Variants in VAMP7 observed in about 807,000 individuals in gnomAD.
VAMP7 encodes the protein vesicle associated membrane protein 7.
Under a neutral mutation model 29.6 loss-of-function variants are expected in VAMP7, and 14 were observed. The observed-to-expected ratio is 0.47, with a 90% CI of 0.31 to 0.74. The LOEUF (loss-of-function observed/expected upper bound fraction) is 0.74. Ranked by LOEUF, VAMP7 falls within the 30% of genes least tolerant of loss-of-function variation. VAMP7 has a pLI of 0.05. For missense variants in VAMP7, 223 were observed against 262.4 expected (o/e 0.85, Z 1.04); for synonymous variants, 95 against 88.1 (o/e 1.08, Z -0.44).
Position 155,910,909 on chromosome X carries a change from T to G in VAMP7, c.434-8904T>G, listed in dbSNP as rs148767665. 5.6e-4 allele frequency among the ~76,000 whole-genome samples: 85 copies of G among 152,342 alleles called. No homozygotes were observed. The East Asian group carries it at 0.016, about 29-fold the overall frequency. On this transcript the variant is annotated intron_variant, in intron 5 of 7. Transcript: ENST00000286448. ...TGGTTGTCTCTTCACTCTTGATTAT[T>G]TCCTTTGCTGTGCAAAAGCTTTTTT...
At chrX:155,921,967 A>C (rs184058125) in intron 6 of VAMP7, among the ~76,000 whole-genome samples, 73 of 152,146 alleles carry the variant, frequency 4.8e-4, no homozygotes, top group African/African-American at 1.6e-3. Context: ...GCTTTTGCTT[A>C]GGATTTAAAA....
At chrX:155,912,090 T>C (rs2066245363) in intron 5 of VAMP7, among the ~76,000 whole-genome samples, 1 of 152,272 alleles carries the variant, frequency 6.6e-6, no homozygotes, top group African/African-American at 2.4e-5. Context: ...CTTTTCGTTT[T>C]TCCCATTCCG....
In VAMP7 at chrX:155,896,705, G is replaced by C. The variant is rs183991096; in HGVS notation, c.204+1025G>C. On this transcript the variant is annotated intron_variant, in intron 3 of 7. Transcript: ENST00000286448. ...CAGCTGCATGCCCTCCCCTCCCCCTGCTTTCAAAGTGAACTTCCTTTCATG... is the reference window on the plus strand; with the variant it reads ...CAGCTGCATGCCCTCCCCTCCCCCTCCTTTCAAAGTGAACTTCCTTTCATG... Among the ~76,000 whole-genome samples the C allele has an allele frequency of 3.1e-3, 476 of 152,064 alleles. 1 individual carries two copies. Among genetic ancestry groups the C allele is most frequent in the African/African-American group, 0.011 (459 of 41,488 alleles).
Position 155,943,576 on chromosome X carries a change from C to T in VAMP7, c.*1625C>T, listed in dbSNP as rs1424759817. 1 of 152,052 alleles carries T rather than the reference C, an allele frequency of 6.6e-6. No homozygotes were observed. The highest frequency in any genetic ancestry group is 1.5e-5 in the Non-Finnish European group (1 of 67,970). 9.4% of individuals were successfully genotyped at this position (152,052 alleles called of 1,614,324 possible). On this transcript the variant is annotated 3_prime_UTR_variant, in exon 8 of 8. Coordinates refer to ENST00000286448, the MANE Select transcript of VAMP7 (RefSeq NM_005638.6). ...TGAATAATTTCCAAATGTTTTTAAT[C>T]CAAAGAAAAAGGTTTAAAGCTTATT... is the stretch of plus-strand genomic sequence containing the variant.
chrX:155,936,375 T>A (rs926475931), intron 6 of VAMP7, among the ~76,000 whole-genome samples: 1 of 152,218 alleles, frequency 6.6e-6, no homozygotes. Context: ...CAGCTTTGTT[T>A]ACCTACTCAA....
chrX:155,930,522 C>T (rs2066534171), intron 6 of VAMP7, among the ~76,000 whole-genome samples: 1 of 150,962 alleles, frequency 6.6e-6, no homozygotes, highest in Non-Finnish European at 1.5e-5. Context: ...TGATTGGGTG[C>T]ACCTGTAGTC....
intron 5 of VAMP7, among the ~76,000 whole-genome samples, chrX:155,910,169 C>G (rs181355611): frequency 6.6e-6 from 1 of 152,278 alleles, no homozygotes; most frequent in East Asian, 1.9e-4. Flanking sequence ...ATGAGATCAA[C>G]TGTTTTAGTT....
chrX:155,939,682 A>G lies in VAMP7; in HGVS notation c.502-19A>G, dbSNP rs2066714715. On this transcript the variant is annotated intron_variant, in intron 6 of 7. Transcript: ENST00000286448. Reference sequence around the variant, plus strand: ...TGTAGTCAGTGCCAGGGGTTAAACAATTCTCGCCTCTTTTCTAGTCTGTCA... The same window carrying G: ...TGTAGTCAGTGCCAGGGGTTAAACAGTTCTCGCCTCTTTTCTAGTCTGTCA... The G allele has an allele frequency of 1.9e-6, 3 of 1,596,950 alleles. No homozygotes were observed. The highest frequency in any genetic ancestry group is 2.6e-6 in the Non-Finnish European group (3 of 1,164,584).
intron 6 of VAMP7, among the ~76,000 whole-genome samples, chrX:155,931,427 A>T (rs2066553022): frequency 6.6e-6 from 1 of 152,004 alleles, no homozygotes; most frequent in Admixed American, 6.5e-5. Flanking sequence ...ATGGTATCTC[A>T]TTGTGGTTTT....
At chrX:155,885,975 G>A (rs1036000995) in intron 1 of VAMP7, among the ~76,000 whole-genome samples, 32 of 152,142 alleles carry the variant, frequency 2.1e-4, no homozygotes, top group Non-Finnish European at 3.8e-4. Flanking sequence ...ATTCTTAGCA[G>A]GAATAAAGTA....
In VAMP7 at chrX:155,898,267, A is replaced by G. The variant is rs1276467862; in HGVS notation, c.342+18A>G. On this transcript the variant is annotated intron_variant, in intron 4 of 7. Coordinates refer to ENST00000286448, the MANE Select transcript of VAMP7 (RefSeq NM_005638.6). ...CACAGCTGGTAAGATCTTTCTCAGG[A>G]TAAGGTATTTTGATTTATATCTTCT... is the stretch of plus-strand genomic sequence containing the variant. 1 of 1,610,782 alleles carries G rather than the reference A, an allele frequency of 6.2e-7. No homozygotes were observed. Among genetic ancestry groups the G allele is most frequent in the African/African-American group, 1.3e-5 (1 of 74,770 alleles).
intron 6 of VAMP7, among the ~76,000 whole-genome samples, chrX:155,931,656 GTA>G (rs1569450236): frequency 2.6e-5 from 4 of 152,140 alleles, no homozygotes; most frequent in Non-Finnish European, 5.9e-5. Flanking sequence ...CTCCCACTCT[GTA>G]GGTTGCCTGT....
At chrX:155,913,220 G>A (rs2066262908) in intron 5 of VAMP7, among the ~76,000 whole-genome samples, 1 of 151,848 alleles carries the variant, frequency 6.6e-6, no homozygotes, top group Non-Finnish European at 1.5e-5. Context: ...TTTTGATGGG[G>A]TTGTTTTTTT....
chrX:155,900,603 T>G lies in VAMP7; in HGVS notation c.433+16T>G. The G allele has an allele frequency of 6.3e-7, 1 of 1,591,968 alleles. No homozygotes were observed. The highest frequency in any genetic ancestry group is 8.6e-7 in the Non-Finnish European group (1 of 1,167,246). ...AGAAACATAGGTATGTTTCATGGCA[T>G]AGTTTCATGCATGTGGGCAAAAATG... is the stretch of plus-strand genomic sequence containing the variant. On this transcript the variant is annotated intron_variant, in intron 5 of 7. Transcript: ENST00000286448.
At chrX:155,898,544 C>T (rs940783319) in intron 4 of VAMP7, among the ~76,000 whole-genome samples, 6 of 151,974 alleles carry the variant, frequency 3.9e-5, no homozygotes, top group Non-Finnish European at 8.8e-5. Context: ...TTCAGCATGC[C>T]AAATGATCTT....
intron 6 of VAMP7, among the ~76,000 whole-genome samples, chrX:155,923,472 C>T (rs2066423819): frequency 6.6e-6 from 1 of 150,794 alleles, no homozygotes; most frequent in Non-Finnish European, 1.5e-5. Context: ...AATTCTAGGT[C>T]AGTGATTTTT....
At chrX:155,894,420 T>C (rs1161111413) in intron 2 of VAMP7, among the ~76,000 whole-genome samples, 8 of 151,734 alleles carry the variant, frequency 5.3e-5, no homozygotes, top group Non-Finnish European at 1.2e-4. Context: ...CACAGTGTGG[T>C]TTATAAAGTC....
At chrX:155,925,065 T>A (rs2066449195) in intron 6 of VAMP7, among the ~76,000 whole-genome samples, 1 of 152,204 alleles carries the variant, frequency 6.6e-6, no homozygotes, top group Non-Finnish European at 1.5e-5. Context: ...CAGTCATGTC[T>A]TCAGGCTCCA....
rs902048843 is a variant in VAMP7, at chrX:155,943,203, T to C, written c.*1252T>C. 6.6e-5 allele frequency: 10 copies of C among 150,564 alleles called. No homozygotes were observed. The highest frequency in any genetic ancestry group is 1.3e-4 in the Non-Finnish European group (9 of 67,718). 9.3% of individuals were successfully genotyped at this position (150,564 alleles called of 1,614,324 possible). A position where few individuals can be genotyped will look rare whatever the true frequency, so the allele number is the denominator to read the frequency against. ...CCCTAGATCCAATTGCATTTATTTA[T>C]CAATAAGTGCCATTAAATTGAAATT... On this transcript the variant is annotated 3_prime_UTR_variant, in exon 8 of 8. Coordinates refer to ENST00000286448, the MANE Select transcript of VAMP7 (RefSeq NM_005638.6).
Sources: gnomAD v4.1 joint callset for allele counts (sites outside exome capture counted in the v4.1 genomes callset) on GRCh38, gnomAD v4.1.1 for gene constraint, MANE v1.5 for transcripts, NCBI Gene and HGNC (gene_info 2026-07-23, HGNC 2026-07-21) for gene names.